The following PAX2 variants were observed in gnomAD, a reference collection of about 807,000 sequenced individuals.
PAX2 encodes the protein paired box protein Pax-2.
In PAX2, 9 loss-of-function variants were observed where a neutral mutation model predicts 41.7. The ratio of observed to expected loss-of-function variants is 0.22; its 90% CI spans 0.13 to 0.38. PAX2 has a LOEUF of 0.38. Among genes scored for constraint, PAX2 ranks in the 10% least tolerant of loss-of-function variants. The pLI is 1.00. For synonymous variants in PAX2, 221 were observed against 212.7 expected (o/e 1.04, Z -0.34); for missense variants, 418 against 531.6 (o/e 0.79, Z 2.10).
chr10:100,780,794 T>C (rs1344007462), intron 4 of PAX2, among the ~76,000 whole-genome samples: 3 of 152,158 alleles, frequency 2.0e-5, no homozygotes, highest in African/African-American at 7.2e-5. Context: ...CTGAGAACAA[T>C]GAGCTGGGGC....
intron 7 of PAX2, among the ~76,000 whole-genome samples, chr10:100,812,587 C>T (rs952192703): frequency 1.3e-5 from 2 of 152,176 alleles, no homozygotes; most frequent in Non-Finnish European, 2.9e-5. Context: ...AGTGAGGACT[C>T]GCTCCAACTG....
At chr10:100,735,750 C>G in intron 1 of PAX2, 1 of 1,038,290 alleles carries the variant, frequency 9.6e-7, no homozygotes, top group Non-Finnish European at 1.2e-6. Context: ...GCGGCAGAGA[C>G]CCGTCCGCGC....
intron 6 of PAX2, among the ~76,000 whole-genome samples, chr10:100,808,201 AG>A: frequency 6.6e-6 from 1 of 152,216 alleles, no homozygotes; most frequent in Non-Finnish European, 1.5e-5. Context: ...GTGATAAATC[AG>A]GGGGCAGCTT....
At chr10:100,806,124 A>G (rs1165138923) in intron 5 of PAX2, among the ~76,000 whole-genome samples, 2 of 152,118 alleles carry the variant, frequency 1.3e-5, no homozygotes, top group Non-Finnish European at 1.5e-5. Context: ...GACATGCCCC[A>G]GGGAGCTGGC....
At chr10:100,777,442 T>A (rs1846437243) in intron 3 of PAX2, among the ~76,000 whole-genome samples, 1 of 148,668 alleles carries the variant, frequency 6.7e-6, no homozygotes, top group South Asian at 2.2e-4. Flanking sequence ...TTGCCCAGAC[T>A]GGAGTACAGT....
chr10:100,794,485 A>T (rs995578906), intron 5 of PAX2, among the ~76,000 whole-genome samples: 3 of 151,880 alleles, frequency 2.0e-5, no homozygotes, highest in African/African-American at 7.3e-5. Context: ...ACTCCACCTT[A>T]TTTACTGAGC....
chr10:100,742,678 A>G (rs1426108022), upstream of PAX2, among the ~76,000 whole-genome samples: 1 of 149,786 alleles, frequency 6.7e-6, no homozygotes, highest in Non-Finnish European at 1.5e-5. Flanking sequence ...AAATGCCCCT[A>G]GGTTGGGGGG....
intron 3 of PAX2, among the ~76,000 whole-genome samples, chr10:100,752,591 G>A (rs1475299175): frequency 2.6e-4 from 39 of 152,244 alleles, no homozygotes; most frequent in Admixed American, 2.6e-3. Flanking sequence ...GTGTTGCTGG[G>A]ACTGGGTAGT....
chr10:100,823,370 C>T (rs943740339), intron 7 of PAX2, among the ~76,000 whole-genome samples: 5 of 152,110 alleles, frequency 3.3e-5, no homozygotes, highest in South Asian at 4.1e-4. Context: ...ATCACTCAGA[C>T]GTGTCAAGGT....
chr10:100,802,965 C>T (rs532250886), intron 5 of PAX2, among the ~76,000 whole-genome samples: 4 of 152,228 alleles, frequency 2.6e-5, no homozygotes, highest in East Asian at 1.9e-4. Context: ...CTTGCCGTCC[C>T]GTCTGAGACT....
chr10:100,781,342 G>A lies in PAX2; in HGVS notation c.593G>A (p.Gly198Asp), dbSNP rs1199875555. 1.9e-6 allele frequency: 3 copies of A among 1,613,970 alleles called. No individual in the cohort carries two copies. The highest frequency in any genetic ancestry group is 1.7e-5 in the Admixed American group (1 of 60,030). The change falls in exon 5 of 10, where the codon GGT (glycine) becomes GAT (aspartate). Residue 198 changes from glycine (G) to aspartate (D), a missense_variant. By Grantham distance (94) the Gly-to-Asp change is moderately conservative (BLOSUM62 -1). Around this residue, in one of 2 missense-constraint regions of PAX2, gnomAD observed 310 missense variants for 325.2 expected, o/e 0.95. Coordinates refer to ENST00000355243, the MANE Select transcript of PAX2 (RefSeq NM_000278.5). ...NGILGIPRSN[G>D]EKRKRDEDVS... ...ATCCTGGGGATTCCTCGCTCCAATGGTGAGAAGAGGAAACGTGATGAAGGT... is the reference window on the plus strand; with the variant it reads ...ATCCTGGGGATTCCTCGCTCCAATGATGAGAAGAGGAAACGTGATGAAGGT...
chr10:100,819,997 T>C (rs956731870), intron 7 of PAX2, among the ~76,000 whole-genome samples: 1 of 152,242 alleles, frequency 6.6e-6, no homozygotes, highest in Non-Finnish European at 1.5e-5. Flanking sequence ...TGAGAAGACA[T>C]CCTCATCAAG....
intron 3 of PAX2, among the ~76,000 whole-genome samples, chr10:100,776,083 T>C (rs766559991): frequency 6.6e-6 from 1 of 152,242 alleles, no homozygotes; most frequent in Non-Finnish European, 1.5e-5. Flanking sequence ...TCCTCTTCAC[T>C]GGTTCTTCCT....
rs1408745783 is a variant in PAX2 at position 100,827,725 on chromosome 10, T to C, written c.*106T>C. ...GGGAGGACCGACGCGACGCGATGCC[T>C]CCCGGCCACCGCCCCAGCCTCACCC... On this transcript the variant is annotated 3_prime_UTR_variant, in exon 10 of 10. Coordinates refer to ENST00000355243, the MANE Select transcript of PAX2 (RefSeq NM_000278.5). The surrounding 1 kb of genome is among the most constrained non-coding windows in gnomAD (Gnocchi z 8.5). The C allele has an allele frequency of 1.3e-6, 2 of 1,598,202 alleles. No individual in the cohort carries two copies. Among genetic ancestry groups the C allele is most frequent in the Non-Finnish European group, 1.7e-6 (2 of 1,168,808 alleles).
intron 5 of PAX2, among the ~76,000 whole-genome samples, chr10:100,798,113 T>C (rs1329034901): frequency 7.0e-6 from 1 of 142,526 alleles, no homozygotes; most frequent in African/African-American, 2.7e-5. Flanking sequence ...TCTTTTTTTT[T>C]TTTTTTTTTT....
chr10:100,829,518 G>T lies in PAX2; in HGVS notation c.*1899G>T, dbSNP rs550895299. The T allele has an allele frequency of 3.4e-5, 7 of 208,842 alleles. No homozygotes were observed. Among genetic ancestry groups the T allele is most frequent in the African/African-American group, 1.1e-4 (5 of 44,060 alleles). 12.9% of individuals were successfully genotyped at this position (208,842 alleles called of 1,614,324 possible). On this transcript the variant is annotated 3_prime_UTR_variant, in exon 10 of 10. Coordinates refer to ENST00000355243, the MANE Select transcript of PAX2 (RefSeq NM_000278.5). ...CGCCCTGCATGTCTCCTCACCCGTG[G>T]ATCGTGACGACTCGAAATAACAGAA...
At chr10:100,760,764 G>A (rs1470251073) in intron 3 of PAX2, among the ~76,000 whole-genome samples, 1 of 152,110 alleles carries the variant, frequency 6.6e-6, no homozygotes, top group Admixed American at 6.5e-5. Context: ...CGTTCCTCAG[G>A]TTAGCTGGTT....
exon 1 of PAX2, chr10:100,735,486 G>T (rs933239453): frequency 2.9e-5 from 7 of 242,190 alleles, no homozygotes; most frequent in African/African-American, 6.6e-5. Context: ...GGGCTCCTCG[G>T]GGTGCCGGAG....
rs533612216 is a variant in PAX2 at position 100,827,777 on chromosome 10, C to T, written c.*158C>T. On this transcript the variant is annotated 3_prime_UTR_variant, in exon 10 of 10. Coordinates refer to ENST00000355243, the MANE Select transcript of PAX2 (RefSeq NM_000278.5). This position sits in a 1 kb window ranked among gnomAD's most constrained non-coding sequence, Gnocchi z 8.5. Reference sequence around the variant, plus strand: ...ATCCCACGACCCCCGCAACCCTTCACATCACCCCCCTCGAAGGTCGGACAG... The same window carrying T: ...ATCCCACGACCCCCGCAACCCTTCATATCACCCCCCTCGAAGGTCGGACAG... 5.0e-5 allele frequency: 55 copies of T among 1,108,940 alleles called. No individual in the cohort carries two copies. In the African/African-American group the frequency reaches 7.1e-4, roughly 14 times the overall value. The allele number at this position is 1,108,940 out of a possible 1,614,324, so 68.7% of individuals were successfully genotyped here.
Sources: gnomAD v4.1 joint callset for allele counts (sites outside exome capture counted in the v4.1 genomes callset) on GRCh38, gnomAD v4.1.1 for gene constraint, gnomAD v4.1.1 regional missense constraint, Gnocchi (gnomAD v3.1) non-coding constraint, MANE v1.5 for transcripts, NCBI Gene and HGNC (gene_info 2026-07-23, HGNC 2026-07-21) for gene names.